Variants in DCLK1 observed in about 807,000 individuals in gnomAD.
DCLK1 encodes the protein serine/threonine-protein kinase DCLK1.
In DCLK1, 16 loss-of-function variants were observed where a neutral mutation model predicts 86.2. The ratio of observed to expected loss-of-function variants is 0.19; its 90% CI spans 0.13 to 0.28. The LOEUF (loss-of-function observed/expected upper bound fraction) is 0.28. DCLK1 is among the 10% of genes least tolerant of loss of function. DCLK1 has a pLI of 1.00. For synonymous variants in DCLK1, 369 were observed against 370.5 expected (o/e 1.00, Z 0.05); for missense variants, 590 against 940.2 (o/e 0.63, Z 4.87).
At chr13:36,070,185 C>T (rs770224461) in intron 3 of DCLK1, among the ~76,000 whole-genome samples, 3 of 152,154 alleles carry the variant, frequency 2.0e-5, no homozygotes, top group Non-Finnish European at 2.9e-5. Context: ...AAAGTGGCTG[C>T]AGTCCCAGTC....
chr13:36,018,435 G>A (rs1881625732), intron 3 of DCLK1, among the ~76,000 whole-genome samples: 1 of 152,110 alleles, frequency 6.6e-6, no homozygotes, highest in South Asian at 2.1e-4. Flanking sequence ...CTAAAAATCA[G>A]TTTAAAATGT....
At chr13:35,988,955 C>T (rs892778338) in intron 3 of DCLK1, among the ~76,000 whole-genome samples, 1 of 152,118 alleles carries the variant, frequency 6.6e-6, no homozygotes, top group African/African-American at 2.4e-5. Context: ...GACGCAAACT[C>T]CAGGATCTAA....
chr13:36,119,904 G>A (rs946361514), intron 2 of DCLK1, among the ~76,000 whole-genome samples: 3 of 152,290 alleles, frequency 2.0e-5, no homozygotes, highest in South Asian at 4.1e-4. Context: ...TTTGTTCATT[G>A]CACCATGATT....
chr13:35,842,228 CAAAAAAAAAAAA>C (rs35862851), intron 6 of DCLK1, among the ~76,000 whole-genome samples: 4 of 35,118 alleles, frequency 1.1e-4, no homozygotes, highest in Middle Eastern at 0.022. Context: ...GACTCCATCT[CAAAAAAAAAAAA>C]AAAAAAAAAA....
chr13:35,943,249 A>T (rs1360107314), intron 4 of DCLK1, among the ~76,000 whole-genome samples: 2 of 152,138 alleles, frequency 1.3e-5, no homozygotes, highest in Admixed American at 6.6e-5. Flanking sequence ...CAAGCCAAGG[A>T]TTGCTGGCAG....
At chr13:36,075,655 T>C (rs1271213503) in intron 3 of DCLK1, among the ~76,000 whole-genome samples, 1 of 152,188 alleles carries the variant, frequency 6.6e-6, no homozygotes, top group Non-Finnish European at 1.5e-5. Context: ...CTGCAAAATG[T>C]GCATGAAATG....
At chr13:35,861,083 C>T (rs1278987394) in intron 5 of DCLK1, among the ~76,000 whole-genome samples, 2 of 152,170 alleles carry the variant, frequency 1.3e-5, no homozygotes, top group African/African-American at 2.4e-5. Context: ...TGGCACACAA[C>T]AGGTGATGGC....
chr13:35,953,098 T>C (rs1877792833), intron 3 of DCLK1, among the ~76,000 whole-genome samples: 1 of 152,222 alleles, frequency 6.6e-6, no homozygotes, highest in Non-Finnish European at 1.5e-5. Context: ...CCAACAGGAA[T>C]AGTTCTGTAT....
At chr13:36,019,722 T>A (rs1476473213) in intron 3 of DCLK1, among the ~76,000 whole-genome samples, 1 of 152,198 alleles carries the variant, frequency 6.6e-6, no homozygotes, top group Non-Finnish European at 1.5e-5. Flanking sequence ...CAATCCCTCC[T>A]AACTCTTGGC....
At chr13:36,111,330 T>C (rs189069820) in intron 3 of DCLK1, among the ~76,000 whole-genome samples, 1 of 152,256 alleles carries the variant, frequency 6.6e-6, no homozygotes, top group Admixed American at 6.5e-5. Flanking sequence ...CACTGAAAAA[T>C]ACAAGATGCG....
rs76849587 is a variant in DCLK1, at chr13:35,872,340, G to A, written c.824-1000C>T. Among the ~76,000 whole-genome samples the A allele has an allele frequency of 1.1e-4, 16 of 152,280 alleles. No individual in the cohort carries two copies. In the East Asian group the frequency reaches 3.1e-3, roughly 29 times the overall value. ...TTTATATATTTCAGCATTAGGATTT[G>A]TTCATATGTGTTGATCTGTTACCAA... On this transcript the variant is annotated intron_variant, in intron 4 of 16. Transcript: ENST00000360631.
intron 8 of DCLK1, among the ~76,000 whole-genome samples, chr13:35,830,401 TAAATGAGA>T (rs1321948876): frequency 6.6e-6 from 1 of 151,992 alleles, no homozygotes; most frequent in East Asian, 1.9e-4. Context: ...AGAGCAAACA[TAAATGAGA>T]AAATGAGAAA....
At chr13:36,106,067 A>G (rs1885385081) in intron 3 of DCLK1, among the ~76,000 whole-genome samples, 2 of 152,220 alleles carry the variant, frequency 1.3e-5, no homozygotes, top group South Asian at 4.1e-4. Context: ...GAACACTAAG[A>G]GAACTTAGAA....
At chr13:36,045,377 T>TATATATATATATAC (rs568110221) in intron 3 of DCLK1, among the ~76,000 whole-genome samples, 17 of 125,042 alleles carry the variant, frequency 1.4e-4, no homozygotes, top group East Asian at 1.3e-3. Context: ...TATATATATA[T>TATATATATATATAC]TTCAAGGTAA....
In DCLK1 at chr13:35,934,936, A is replaced by G. The variant is rs1437588266; in HGVS notation, c.823+12422T>C. On this transcript the variant is annotated intron_variant, in intron 4 of 16. Transcript: ENST00000360631. ...CCCAGAACACACAGCAGAATGAACA[A>G]CAATGGTATAATAAAGAGCAAAGAG... 2.6e-5 allele frequency among the ~76,000 whole-genome samples: 4 copies of G among 152,206 alleles called. No individual in the cohort carries two copies. In the East Asian group the frequency reaches 5.8e-4, roughly 22 times the overall value.
chr13:35,978,357 C>T (rs1373046305), intron 3 of DCLK1, among the ~76,000 whole-genome samples: 2 of 151,814 alleles, frequency 1.3e-5, no homozygotes, highest in South Asian at 2.1e-4. Flanking sequence ...AGGCACGCGA[C>T]ATCACGCCCG....
chr13:35,823,312 T>C (rs1231879071), intron 10 of DCLK1, among the ~76,000 whole-genome samples: 2 of 151,708 alleles, frequency 1.3e-5, no homozygotes, highest in African/African-American at 4.8e-5. Flanking sequence ...TACTGCAAAC[T>C]GCACACTGAA....
At chr13:36,013,276 T>G (rs1881367077) in intron 3 of DCLK1, among the ~76,000 whole-genome samples, 1 of 151,990 alleles carries the variant, frequency 6.6e-6, no homozygotes, top group Non-Finnish European at 1.5e-5. Context: ...GGTGAGGAAC[T>G]GCGTTCCTTT....
At chr13:36,106,015 C>T (rs1313233839) in intron 3 of DCLK1, among the ~76,000 whole-genome samples, 1 of 152,196 alleles carries the variant, frequency 6.6e-6, no homozygotes, top group African/African-American at 2.4e-5. Flanking sequence ...TCTCAGCACA[C>T]TATGGAAGGG....
Sources: gnomAD v4.1 joint callset for allele counts (sites outside exome capture counted in the v4.1 genomes callset) on GRCh38, gnomAD v4.1.1 for gene constraint, MANE v1.5 for transcripts, NCBI Gene and HGNC (gene_info 2026-07-23, HGNC 2026-07-21) for gene names.